DPP6: variants seen among roughly 807,000 people sequenced by gnomAD.
DPP6 encodes dipeptidyl peptidase like 6.
In DPP6, 69 loss-of-function variants were observed where a neutral mutation model predicts 122.6. That is an observed-to-expected ratio of 0.56 (90% CI 0.46 to 0.69). The LOEUF (loss-of-function observed/expected upper bound fraction) is 0.69, where lower values mean the gene tolerates loss of function less well. DPP6 is among the 30% of genes least tolerant of loss of function. The probability of loss-of-function intolerance (pLI) is 0.00; values close to 1 mark genes in which losing one functional copy is unlikely to be tolerated. For synonymous variants in DPP6, 418 were observed against 433.1 expected (o/e 0.97, Z 0.43); for missense variants, 928 against 1,116.9 (o/e 0.83, Z 2.41).
At chr7:154,218,691 C>G (rs186230692) in intron 1 of DPP6, among the ~76,000 whole-genome samples, 1 of 152,138 alleles carries the variant, frequency 6.6e-6, no homozygotes, top group Non-Finnish European at 1.5e-5. Flanking sequence ...TGTTTACATG[C>G]GGACATATAA....
chr7:154,530,703 G>A (rs1827774231), intron 3 of DPP6, among the ~76,000 whole-genome samples: 1 of 152,174 alleles, frequency 6.6e-6, no homozygotes. Flanking sequence ...TATGTTCACT[G>A]CAGCACTGTT....
intron 1 of DPP6, among the ~76,000 whole-genome samples, chr7:154,184,289 C>T (rs1156404872): frequency 1.3e-5 from 2 of 151,684 alleles, no homozygotes; most frequent in Non-Finnish European, 2.9e-5. Context: ...ATTTGGAAAA[C>T]ACCCATTTTT....
intron 4 of DPP6, among the ~76,000 whole-genome samples, chr7:154,562,630 T>C (rs1290261936): frequency 6.6e-6 from 1 of 152,070 alleles, no homozygotes; most frequent in African/African-American, 2.4e-5. Flanking sequence ...AAAAAGTGTC[T>C]AGATAGAAAA....
chr7:154,156,812 A>G (rs1341210149), intron 1 of DPP6, among the ~76,000 whole-genome samples: 2 of 152,222 alleles, frequency 1.3e-5, no homozygotes, highest in Non-Finnish European at 2.9e-5. Flanking sequence ...TAACCCATGA[A>G]TGTTGAAGAA....
Position 154,475,036 on chromosome 7 carries a change from TG to T in DPP6, c.457+1del. ...IHDPEAKWISDTEFIYREQKG... is the reference protein window; with the variant it reads ...IHDPEAKWISXTEFIYREQKG... Reference sequence around the variant, plus strand: ...ATGACCCCGAGGCTAAGTGGATAAGTGGTGAGTCCAGGTCCTTCGTGCACAA... The same window carrying T: ...ATGACCCCGAGGCTAAGTGGATAAGTGTGAGTCCAGGTCCTTCGTGCACAA... On this transcript the variant is annotated frameshift_variant and splice_region_variant, in exon 3 of 26. Transcript: ENST00000377770. LOFTEE classifies it high-confidence loss of function. 6.2e-7 allele frequency: 1 copy of T among 1,612,042 alleles called. No individual in the cohort carries two copies.
intron 1 of DPP6, among the ~76,000 whole-genome samples, chr7:154,273,486 C>A (rs1803929607): frequency 6.6e-6 from 1 of 152,160 alleles, no homozygotes; most frequent in Non-Finnish European, 1.5e-5. Context: ...TGACAATTAC[C>A]CATATATTGC....
the DPP6 span, among the ~76,000 whole-genome samples, chr7:153,851,146 C>T: frequency 3.3e-5 from 5 of 152,162 alleles, no homozygotes; most frequent in South Asian, 2.1e-4. Context: ...CCTTAGCAAG[C>T]GTGGAGTTTC....
intron 4 of DPP6, among the ~76,000 whole-genome samples, chr7:154,542,758 AT>A (rs568491771): frequency 3.8e-4 from 58 of 152,346 alleles, no homozygotes; most frequent in Non-Finnish European, 8.1e-4. Flanking sequence ...TCAAAGCTAC[AT>A]TTAAATGCTC....
At chr7:153,925,557 G>GAC (rs1205995158) in intron 1 of DPP6, among the ~76,000 whole-genome samples, 1 of 151,986 alleles carries the variant, frequency 6.6e-6, no homozygotes, top group East Asian at 1.9e-4. Flanking sequence ...GATGAGGGGA[G>GAC]ACCACTCCAT....
intron 3 of DPP6, among the ~76,000 whole-genome samples, chr7:154,508,087 A>T (rs748797219): frequency 1.3e-5 from 2 of 152,156 alleles, no homozygotes; most frequent in Non-Finnish European, 2.9e-5. Flanking sequence ...TCTCAACTAT[A>T]TATAGCGTCT....
intron 1 of DPP6, among the ~76,000 whole-genome samples, chr7:154,056,423 G>T (rs950581696): frequency 1.6e-4 from 24 of 152,244 alleles, no homozygotes; most frequent in Admixed American, 2.0e-4. Context: ...CTTTCATTTG[G>T]ATTAACTGTG....
the DPP6 span, among the ~76,000 whole-genome samples, chr7:153,867,641 T>G: frequency 6.4e-4 from 98 of 152,354 alleles, no homozygotes; most frequent in Non-Finnish European, 1.2e-3. Context: ...ATACCCTTTA[T>G]TTCCTTCTCC....
At chr7:154,195,165 G>A (rs77549140) in intron 1 of DPP6, among the ~76,000 whole-genome samples, 11,108 of 152,144 alleles carry the variant, frequency 0.073, 488 homozygotes, top group South Asian at 0.13. Context: ...TATGAAGTAC[G>A]GGTTGAAGTT....
intron 1 of DPP6, among the ~76,000 whole-genome samples, chr7:154,151,999 C>T (rs907597979): frequency 5.3e-5 from 8 of 151,276 alleles, no homozygotes; most frequent in African/African-American, 1.9e-4. Context: ...TTCTTTCCTG[C>T]CTTCATCTTT....
chr7:154,465,725 G>T (rs748904177), intron 2 of DPP6, among the ~76,000 whole-genome samples: 1 of 152,230 alleles, frequency 6.6e-6, no homozygotes, highest in Non-Finnish European at 1.5e-5. Flanking sequence ...TGGAGAGGAT[G>T]TGGAGAAATA....
At chr7:154,479,570 A>AAGAAAAG (rs1554563520) in intron 3 of DPP6, among the ~76,000 whole-genome samples, 4 of 101,566 alleles carry the variant, frequency 3.9e-5, no homozygotes, top group East Asian at 5.5e-4. Context: ...AAAAAAAAAA[A>AAGAAAAG]AAAAGAAAAG....
At chr7:154,035,152 C>T (rs1799455746) in intron 1 of DPP6, among the ~76,000 whole-genome samples, 1 of 152,232 alleles carries the variant, frequency 6.6e-6, no homozygotes, top group African/African-American at 2.4e-5. Context: ...AAGCCTTTAA[C>T]TTTCCTTTGT....
intron 1 of DPP6, among the ~76,000 whole-genome samples, chr7:154,079,831 G>A (rs888508598): frequency 2.0e-5 from 3 of 151,840 alleles, no homozygotes; most frequent in Non-Finnish European, 4.4e-5. Flanking sequence ...CTCTGCTCTA[G>A]TATTTACAAC....
chr7:154,020,783 G>A (rs1374562571), intron 1 of DPP6, among the ~76,000 whole-genome samples: 3 of 152,116 alleles, frequency 2.0e-5, no homozygotes, highest in Non-Finnish European at 1.5e-5. Context: ...AGGAGGATTT[G>A]GGGATCTAGA....
Sources: allele counts gnomAD v4.1 joint callset (sites outside exome capture counted in the v4.1 genomes callset), GRCh38; gene constraint gnomAD v4.1.1; transcripts MANE v1.5; gene names NCBI Gene and HGNC (gene_info 2026-07-23, HGNC 2026-07-21).